HSDL2: variants seen among roughly 807,000 people sequenced by gnomAD.
HSDL2 encodes hydroxysteroid dehydrogenase-like protein 2.
In HSDL2, 27 loss-of-function variants were observed where a neutral mutation model predicts 46.3. The ratio of observed to expected loss-of-function variants is 0.58; its 90% CI spans 0.43 to 0.80. The LOEUF (loss-of-function observed/expected upper bound fraction) is 0.80. Ranked by LOEUF, HSDL2 falls within the 30% of genes least tolerant of loss-of-function variation. The pLI, the probability that HSDL2 is intolerant of heterozygous loss-of-function variation, is 0.00. For synonymous variants in HSDL2, 153 were observed against 163.6 expected, an observed-to-expected ratio of 0.94 and a Z score of 0.50; for missense variants, 451 against 502.7, an observed-to-expected ratio of 0.90 and a Z score of 0.98.
chr9:112,387,615 A>G (rs955556907), intron 1 of HSDL2, among the ~76,000 whole-genome samples: 19 of 152,196 alleles, frequency 1.2e-4, no homozygotes, highest in African/African-American at 4.6e-4. Flanking sequence ...TGTATTTGAA[A>G]ATTCCATAAT....
At chr9:112,387,922 A>G (rs1445976546) in intron 1 of HSDL2, among the ~76,000 whole-genome samples, 5 of 151,804 alleles carry the variant, frequency 3.3e-5, no homozygotes, top group Admixed American at 3.3e-4. Flanking sequence ...ACTTTGCAAG[A>G]CCAAGGCAGG....
At chr9:112,380,203 G>A in intron 1 of HSDL2, 23 bp downstream of exon 1, 1 of 1,556,742 alleles carries the variant, frequency 6.4e-7, no homozygotes, top group Non-Finnish European at 8.7e-7. Context: ...GGGCGGCGCG[G>A]GGAGAGACCC....
chr9:112,470,416 C>T lies in HSDL2; in HGVS notation c.1145-16C>T, dbSNP rs775459407. On this transcript the variant is annotated splice_polypyrimidine_tract_variant and intron_variant, in intron 10 of 10. Coordinates refer to ENST00000398805, the MANE Select transcript of HSDL2 (RefSeq NM_032303.5). ...CACTAATGGTTGCTTTTCCCTCTCT[C>T]ATTTTCTCATTTTAGGGAAACTAAA... 8.4e-5 allele frequency: 129 copies of T among 1,534,692 alleles called. No homozygotes were observed.
chr9:112,401,128 G>A (rs1156869473), intron 1 of HSDL2, among the ~76,000 whole-genome samples: 4 of 152,014 alleles, frequency 2.6e-5, no homozygotes, highest in African/African-American at 9.7e-5. Flanking sequence ...AGTTTACCAG[G>A]AAGTTATTTT....
chr9:112,450,688 A>G (rs1158466620), intron 8 of HSDL2, among the ~76,000 whole-genome samples: 1 of 151,726 alleles, frequency 6.6e-6, no homozygotes, highest in Non-Finnish European at 1.5e-5. Context: ...CTGTAATCCA[A>G]TTATAAGTAC....
chr9:112,462,852 T>A (rs1242553686), intron 10 of HSDL2, among the ~76,000 whole-genome samples: 1 of 152,178 alleles, frequency 6.6e-6, no homozygotes, highest in Non-Finnish European at 1.5e-5. Flanking sequence ...CCTATTTCCA[T>A]TCCCAAAGCC....
chr9:112,430,357 G>A (rs115885080), intron 6 of HSDL2, among the ~76,000 whole-genome samples: 1,714 of 152,266 alleles, frequency 0.011, 39 homozygotes, highest in African/African-American at 0.039. Flanking sequence ...GACCAGTGTC[G>A]CCAGAGTGAG....
chr9:112,455,635 C>A (rs1234357105), intron 9 of HSDL2, among the ~76,000 whole-genome samples: 1 of 152,228 alleles, frequency 6.6e-6, no homozygotes, highest in Non-Finnish European at 1.5e-5. Flanking sequence ...GAGGTTTAAG[C>A]AACACTTCAG....
intron 6 of HSDL2, among the ~76,000 whole-genome samples, chr9:112,421,276 G>A (rs1478500318): frequency 6.6e-6 from 1 of 152,110 alleles, no homozygotes; most frequent in Admixed American, 6.6e-5. Flanking sequence ...GTAGTGAGCC[G>A]TGATCATGCC....
chr9:112,468,193 T>C (rs2900544), intron 10 of HSDL2, among the ~76,000 whole-genome samples: 145,330 of 152,148 alleles, frequency 0.96, 69,473 homozygotes, highest in African/African-American at 0.98. Flanking sequence ...TTTCTGAAAG[T>C]TTTTGAAATC....
intron 1 of HSDL2, among the ~76,000 whole-genome samples, chr9:112,403,383 T>C (rs953437520): frequency 6.6e-6 from 1 of 152,242 alleles, no homozygotes; most frequent in Non-Finnish European, 1.5e-5. Context: ...AGAATGTTTT[T>C]GGTTCATCCA....
rs375376643 is a variant in HSDL2 at position 112,450,286 on chromosome 9, T to A, written c.866-3727T>A. 4.1e-3 allele frequency among the ~76,000 whole-genome samples: 427 copies of A among 103,106 alleles called. 4 individuals carry two copies. The highest frequency in any genetic ancestry group is 0.031 in the Middle Eastern group (4 of 130). 67.6% of individuals were successfully genotyped at this position (103,106 alleles called of 152,430 possible). On this transcript the variant is annotated intron_variant, in intron 8 of 10. Coordinates refer to ENST00000398805, the MANE Select transcript of HSDL2 (RefSeq NM_032303.5). ...CCCCATCTCTACCAATAGAAAAAAA[T>A]TAAAACATTAAAAATTTAAAAAGAC... is the stretch of plus-strand genomic sequence containing the variant.
chr9:112,435,404 G>T (rs1382751598), intron 6 of HSDL2, among the ~76,000 whole-genome samples: 1 of 152,126 alleles, frequency 6.6e-6, no homozygotes, highest in African/African-American at 2.4e-5. Context: ...GAAAAGTTCT[G>T]CAGTTTTCGG....
Position 112,459,537 on chromosome 9 carries a change from GATGAGT to G in HSDL2, c.1109_1114del (p.Ser370_Met371del), listed in dbSNP as rs1833140661. The G allele has an allele frequency of 1.9e-6, 3 of 1,613,742 alleles. No individual in the cohort carries two copies. Among genetic ancestry groups the G allele is most frequent in the Non-Finnish European group, 2.5e-6 (3 of 1,179,744 alleles). On this transcript the variant is annotated inframe_deletion, in exon 10 of 11. Transcript: ENST00000398805. The stretch of plus-strand genomic sequence containing the variant: ...AGCCTTCTGATCAGGCAGATGTGGT[GATGAGT>G]ATGACTACTGATGACTTTGTAAAAA...
chr9:112,452,857 T>C (rs758048524), intron 8 of HSDL2, among the ~76,000 whole-genome samples: 7 of 152,240 alleles, frequency 4.6e-5, no homozygotes, highest in Non-Finnish European at 7.3e-5. Context: ...TAAGTTGTTA[T>C]AGCCAGTGGG....
At chr9:112,456,668 T>C (rs1337078576) in intron 9 of HSDL2, among the ~76,000 whole-genome samples, 1 of 152,180 alleles carries the variant, frequency 6.6e-6, no homozygotes, top group Non-Finnish European at 1.5e-5. Context: ...TGATTATGTG[T>C]CCCTGTTTCT....
At chr9:112,408,537 G>A (rs193170512) in intron 3 of HSDL2, among the ~76,000 whole-genome samples, 29 of 152,254 alleles carry the variant, frequency 1.9e-4, no homozygotes, top group East Asian at 3.9e-4. Context: ...TTTTATGATC[G>A]TATGAACATA....
At chr9:112,421,222 G>A (rs1342976362) in intron 6 of HSDL2, among the ~76,000 whole-genome samples, 2 of 152,162 alleles carry the variant, frequency 1.3e-5, no homozygotes, top group Admixed American at 6.5e-5. Context: ...AGCTTCTCGT[G>A]AGGCTAAGAT....
At chr9:112,417,029 T>A in intron 5 of HSDL2, 85 bp downstream of exon 5, 1 of 552,984 alleles carries the variant, frequency 1.8e-6, no homozygotes, top group Non-Finnish European at 3.3e-6. Context: ...GTAATCACAA[T>A]CTGCACATAA....
Sources: allele counts gnomAD v4.1 joint callset (sites outside exome capture counted in the v4.1 genomes callset), GRCh38; gene constraint gnomAD v4.1.1; transcripts MANE v1.5; gene names NCBI Gene and HGNC (gene_info 2026-07-23, HGNC 2026-07-21).